VWA5B1: variants seen among roughly 807,000 people sequenced by gnomAD.
VWA5B1 encodes the protein von Willebrand factor A domain containing 5B1.
VWA5B1 carries 115 observed loss-of-function variants against 118.2 expected under a neutral mutation model. That is an observed-to-expected ratio of 0.97 (90% CI 0.84 to 1.14). The LOEUF is 1.14. Ranked by LOEUF, VWA5B1 falls within the 50% of genes most tolerant of loss-of-function variation. The pLI is 0.00. For missense variants in VWA5B1, 1,596 were observed against 1,603.8 expected, an observed-to-expected ratio of 1.00 and a Z score of 0.08; for synonymous variants, 682 against 658.4, an observed-to-expected ratio of 1.04 and a Z score of -0.55.
intron 9 of VWA5B1, 49 bp downstream of exon 9, chr1:20,328,049 G>C: frequency 6.6e-7 from 1 of 1,511,302 alleles, no homozygotes; most frequent in Non-Finnish European, 9.0e-7. Context: ...ATGGTGGGGA[G>C]CAGAGGAAAG....
At chr1:20,344,218 C>G (rs1298374869) in intron 16 of VWA5B1, among the ~76,000 whole-genome samples, 16 of 151,800 alleles carry the variant, frequency 1.1e-4, no homozygotes, top group Admixed American at 1.0e-3. Flanking sequence ...TCTCCTGCCT[C>G]ATTTCTCTCT....
At chr1:20,349,641 C>T (rs1235691950) in intron 18 of VWA5B1, among the ~76,000 whole-genome samples, 1 of 151,636 alleles carries the variant, frequency 6.6e-6, no homozygotes, top group Non-Finnish European at 1.5e-5. Flanking sequence ...CTTGGCCTCC[C>T]AAAATGCTGG....
chr1:20,290,889 C>T lies in VWA5B1; in HGVS notation c.-226C>T, dbSNP rs1294486863. ...GGTTACGCTCTGACAAAACAAATGG[C>T]TCGGCCTCCTGCAGGCCACCTAAAC... is the stretch of plus-strand genomic sequence containing the variant. On this transcript the variant is annotated 5_prime_UTR_variant, in exon 1 of 22. Coordinates refer to ENST00000289815, the MANE Select transcript of VWA5B1 (RefSeq NM_001039500.3). The T allele has an allele frequency of 1.3e-5, 2 of 152,422 alleles. No individual in the cohort carries two copies. The highest frequency in any genetic ancestry group is 1.3e-4 in the Admixed American group (2 of 15,294). The allele number at this position is 152,422 out of a possible 1,614,324, so 9.4% of individuals were successfully genotyped here.
intron 7 of VWA5B1, 133 bp downstream of exon 7, chr1:20,319,639 C>T: frequency 7.4e-7 from 1 of 1,349,188 alleles, no homozygotes; most frequent in Non-Finnish European, 1.0e-6. Context: ...AGACACCAGG[C>T]AAGAAGTGTT....
intron 14 of VWA5B1, chr1:20,339,130 A>C (rs950397459): frequency 6.6e-6 from 1 of 152,222 alleles, no homozygotes; most frequent in Non-Finnish European, 1.5e-5. Context: ...GAATAACACC[A>C]TCCCCAATCA....
At position 20,343,196 on chromosome 1, in the gene VWA5B1, G is replaced by A. The variant is rs574725504; in HGVS notation, c.2429G>A (p.Gly810Asp). The A allele has an allele frequency of 6.9e-4, 1,071 of 1,549,496 alleles. 9 individuals carry two copies. The South Asian group carries it at 8.8e-3, about 13-fold the overall frequency. ...CCCGCCACCCCGGCCCCGGTGCTGGGCAAGGCCCTGGTCAAAGGCCTGCAC... is the reference window on the plus strand; with the variant it reads ...CCCGCCACCCCGGCCCCGGTGCTGGACAAGGCCCTGGTCAAAGGCCTGCAC... The part of the protein sequence containing the change: ...SRPATPAPVL[G>D]KALVKGLHDS... The change falls in exon 16 of 22, where the codon GGC becomes GAC. Residue 810 changes from glycine to aspartate, a missense_variant. Physicochemically the swap from Gly to Asp is moderately conservative, Grantham distance 94 (BLOSUM62 -1). Transcript: ENST00000289815.
intron 2 of VWA5B1, 85 bp downstream of exon 2, chr1:20,310,825 T>A: frequency 7.0e-7 from 1 of 1,424,656 alleles, no homozygotes; most frequent in Non-Finnish European, 9.2e-7. Flanking sequence ...CTGACTGACC[T>A]TAGGCAAGTC....
chr1:20,353,305 A>G (rs1415857098), intron 21 of VWA5B1, among the ~76,000 whole-genome samples: 1 of 152,050 alleles, frequency 6.6e-6, no homozygotes, highest in Non-Finnish European at 1.5e-5. Flanking sequence ...CCTCTTAGAG[A>G]TCCCTCTGTA....
At chr1:20,331,395 G>A (rs149323348) in intron 11 of VWA5B1, among the ~76,000 whole-genome samples, 103 of 152,318 alleles carry the variant, frequency 6.8e-4, no homozygotes, top group African/African-American at 2.3e-3. Context: ...CATTTGACAC[G>A]AATAATCTAA....
At position 20,317,694 on chromosome 1, in the gene VWA5B1, G is replaced by T. The variant is rs958846528; in HGVS notation, c.709+19G>T. ...CTCGCAGGTGAGAGGGAGACATCCA[G>T]ACGGGATGGGTGAGCTTCAGGCGAA... On this transcript the variant is annotated intron_variant, in intron 5 of 21. Coordinates refer to ENST00000289815, the MANE Select transcript of VWA5B1 (RefSeq NM_001039500.3). The T allele has an allele frequency of 6.5e-7, 1 of 1,546,246 alleles. No individual in the cohort carries two copies. Among genetic ancestry groups the T allele is most frequent in the Non-Finnish European group, 8.7e-7 (1 of 1,144,156 alleles).
chr1:20,300,217 G>A (rs1423041985), intron 1 of VWA5B1, among the ~76,000 whole-genome samples: 3 of 152,196 alleles, frequency 2.0e-5, no homozygotes, highest in African/African-American at 4.8e-5. Flanking sequence ...CTGGCACTCA[G>A]GAAACAGTGT....
rs767222944 is a variant in VWA5B1 at position 20,345,508 on chromosome 1, C to T, written c.2679C>T (p.Asn893=). 4.5e-6 allele frequency: 7 copies of T among 1,551,296 alleles called. No homozygotes were observed. Among genetic ancestry groups the T allele is most frequent in the Middle Eastern group, 1.7e-4 (1 of 5,974 alleles). ...VSALHTSKAC[N]IISKYTAFVP... ...CCTTGCACACCAGCAAGGCCTGCAACATCATTAGCAAATACACAGCCTTCG... is the reference window on the plus strand; with the variant it reads ...CCTTGCACACCAGCAAGGCCTGCAATATCATTAGCAAATACACAGCCTTCG... The change falls in exon 17 of 22, where the codon AAC becomes AAT. Residue 893 remains asparagine (N), a synonymous_variant. Transcript: ENST00000289815.
At chr1:20,338,157 C>G (rs1368734258) in intron 14 of VWA5B1, 2 of 494,858 alleles carry the variant, frequency 4.0e-6, no homozygotes, top group East Asian at 5.4e-5. Context: ...TGGCTCAGTA[C>G]AGATGTGGAA....
chr1:20,318,541 C>T (rs767473412), intron 5 of VWA5B1, 49 bp from the exon 6 acceptor site: 2 of 1,548,810 alleles, frequency 1.3e-6, no homozygotes, highest in Non-Finnish European at 1.7e-6. Flanking sequence ...ACTCCTCTCT[C>T]TCCTGACCTC....
At chr1:20,343,959 C>G (rs866643135) in intron 16 of VWA5B1, among the ~76,000 whole-genome samples, 2 of 134,708 alleles carry the variant, frequency 1.5e-5, no homozygotes, top group Non-Finnish European at 3.2e-5. Flanking sequence ...GGCTTCAGCC[C>G]CCTTCATCTC....
intron 8 of VWA5B1, among the ~76,000 whole-genome samples, chr1:20,324,515 T>C (rs1343213813): frequency 2.0e-5 from 3 of 152,210 alleles, no homozygotes; most frequent in Non-Finnish European, 4.4e-5. Context: ...CCTGTCTTTT[T>C]CCATGGGGCC....
intron 1 of VWA5B1, among the ~76,000 whole-genome samples, chr1:20,299,341 A>T (rs1324068088): frequency 6.6e-6 from 1 of 152,146 alleles, no homozygotes; most frequent in African/African-American, 2.4e-5. Flanking sequence ...AAGATGCCCC[A>T]TGAGGTCCAT....
intron 1 of VWA5B1, among the ~76,000 whole-genome samples, chr1:20,296,542 G>T (rs560012739): frequency 6.6e-6 from 1 of 152,326 alleles, no homozygotes; most frequent in South Asian, 2.1e-4. Flanking sequence ...TCATTATGCT[G>T]TGACAGTGAA....
At chr1:20,330,501 G>T in intron 10 of VWA5B1, 119 bp downstream of exon 10, 1 of 1,241,688 alleles carries the variant, frequency 8.1e-7, no homozygotes, top group African/African-American at 1.5e-5. Context: ...AATTCCCAAA[G>T]GGCTTTGCTT....
Sources: allele counts gnomAD v4.1 joint callset (sites outside exome capture counted in the v4.1 genomes callset), GRCh38; gene constraint gnomAD v4.1.1; transcripts MANE v1.5; gene names NCBI Gene and HGNC (gene_info 2026-07-23, HGNC 2026-07-21).